The following C3orf49 variants were observed in gnomAD, a reference collection of about 807,000 sequenced individuals.
The protein encoded by C3orf49 is putative uncharacterized protein C3orf49.
A neutral mutation model predicts 13.3 loss-of-function variants in C3orf49; 27 were observed. The observed-to-expected ratio is 2.02, with a 90% CI of 1.49 to 2.79. The LOEUF is 2.79. Ranked by LOEUF, C3orf49 falls within the 30% of genes most tolerant of loss-of-function variation. C3orf49 has a pLI of 0.00. For synonymous variants in C3orf49, 87 were observed against 47.6 expected, an observed-to-expected ratio of 1.83 and a Z score of -3.40; for missense variants, 242 against 134.2, an observed-to-expected ratio of 1.80 and a Z score of -3.97.
chr3:63,828,595 T>C (rs1384653397), intron 3 of C3orf49, among the ~76,000 whole-genome samples: 3 of 152,178 alleles, frequency 2.0e-5, no homozygotes, highest in African/African-American at 7.2e-5. Flanking sequence ...CCACCGTTAC[T>C]GGCCATGTAT....
the C3orf49 span, among the ~76,000 whole-genome samples, chr3:63,802,075 C>G: frequency 2.6e-5 from 4 of 152,204 alleles, no homozygotes; most frequent in Non-Finnish European, 5.9e-5. Context: ...GAAAGGGTAA[C>G]TTGGGTTCAT....
At chr3:63,809,470 G>A in the C3orf49 span, among the ~76,000 whole-genome samples, 1 of 152,188 alleles carries the variant, frequency 6.6e-6, no homozygotes, top group East Asian at 1.9e-4. Context: ...TTACGTGAGT[G>A]AGCTGCCCAT....
intron 5 of C3orf49, among the ~76,000 whole-genome samples, chr3:63,843,975 T>TG (rs1470610250): frequency 6.6e-6 from 1 of 151,930 alleles, no homozygotes; most frequent in African/African-American, 2.4e-5. Context: ...CAAATATGTG[T>TG]TACACATACA....
At chr3:63,821,215 T>C (rs1701389815) in intron 1 of C3orf49, among the ~76,000 whole-genome samples, 1 of 152,156 alleles carries the variant, frequency 6.6e-6, no homozygotes, top group Non-Finnish European at 1.5e-5. Context: ...AACTCCAGTG[T>C]CTAGGCTGTC....
rs1381712364 is a variant in C3orf49, at chr3:63,845,020, CAG to C, written c.850-1_850del. 2 of 697,002 alleles carry C rather than the reference CAG, an allele frequency of 2.9e-6. No homozygotes were observed. The highest frequency in any genetic ancestry group is 5.4e-5 in the East Asian group (2 of 37,184). The allele number at this position is 697,002 out of a possible 1,614,324, so 43.2% of individuals were successfully genotyped here. ...CATTTGTTGTAATTTTGTCTCTTGA[CAG>C]ATGACCACAAAAGGACCTGGAGACA... On this transcript the variant is annotated splice_acceptor_variant, in intron 5 of 6. Coordinates refer to ENST00000295896, the MANE Select transcript of C3orf49 (RefSeq NM_001355236.2). LOFTEE classifies it high-confidence loss of function.
intron 5 of C3orf49, among the ~76,000 whole-genome samples, chr3:63,837,177 A>C (rs1479558319): frequency 1.3e-5 from 2 of 152,142 alleles, no homozygotes; most frequent in Non-Finnish European, 2.9e-5. Flanking sequence ...AATTTTTTGA[A>C]TTACAAAATA....
chr3:63,841,509 T>C (rs1353914860), intron 5 of C3orf49, among the ~76,000 whole-genome samples: 1 of 152,200 alleles, frequency 6.6e-6, no homozygotes, highest in Non-Finnish European at 1.5e-5. Flanking sequence ...GGCAGAAGTA[T>C]TTTTGAGCGC....
At chr3:63,789,797 C>A in the C3orf49 span, among the ~76,000 whole-genome samples, 1 of 105,352 alleles carries the variant, frequency 9.5e-6, no homozygotes, top group Non-Finnish European at 1.7e-5. Context: ...GGCGACAGAG[C>A]AAGACTCTGT....
upstream of C3orf49, among the ~76,000 whole-genome samples, chr3:63,816,475 C>G (rs1701325351): frequency 6.6e-6 from 1 of 151,810 alleles, no homozygotes; most frequent in African/African-American, 2.4e-5. Flanking sequence ...GCCTGTAACC[C>G]CAGCTACTCA....
the C3orf49 span, chr3:63,787,030 C>G: frequency 2.0e-5 from 3 of 152,130 alleles, no homozygotes; most frequent in South Asian, 4.1e-4. Flanking sequence ...TGTGTAGACA[C>G]AGAGATCATT....
At chr3:63,836,425 G>A in intron 5 of C3orf49, 2 of 1,458,406 alleles carry the variant, frequency 1.4e-6, no homozygotes, top group Non-Finnish European at 1.9e-6. Flanking sequence ...AACAAAATGT[G>A]TAATATCACA....
At chr3:63,836,358 T>C in intron 5 of C3orf49, 2 of 1,611,990 alleles carry the variant, frequency 1.2e-6, no homozygotes, top group Non-Finnish European at 1.7e-6. Flanking sequence ...AGCATCATAT[T>C]CTGTAAGACA....
chr3:63,846,666 C>A (rs1169080330), intron 6 of C3orf49, among the ~76,000 whole-genome samples: 3 of 152,110 alleles, frequency 2.0e-5, no homozygotes, highest in African/African-American at 7.2e-5. Context: ...CCACCTCGGC[C>A]TCCTAAAGTG....
rs1213886995 is a variant in C3orf49, at chr3:63,832,641, G to A, written c.849+797G>A. On this transcript the variant is annotated intron_variant, in intron 5 of 6. Coordinates refer to ENST00000295896, the MANE Select transcript of C3orf49 (RefSeq NM_001355236.2). ...CAAGCCACTGCACTCCAGCCTGGAT[G>A]ACAGGGCAAGACCCTGTCTCAGAAA... is the stretch of plus-strand genomic sequence containing the variant. Among the ~76,000 whole-genome samples the A allele has an allele frequency of 5.3e-5, 8 of 152,180 alleles. No homozygotes were observed. The East Asian group carries it at 1.4e-3, about 26-fold the overall frequency.
At chr3:63,780,437 G>T in the C3orf49 span, among the ~76,000 whole-genome samples, 5 of 152,108 alleles carry the variant, frequency 3.3e-5, no homozygotes, top group Non-Finnish European at 5.9e-5. Flanking sequence ...GAATGGTGCC[G>T]CAATAAACAT....
At chr3:63,834,115 G>A (rs772397913) in intron 5 of C3orf49, 1 of 1,613,344 alleles carries the variant, frequency 6.2e-7, no homozygotes, top group South Asian at 1.1e-5. Context: ...CCTGGGAGTG[G>A]TGGGCAATTA....
the C3orf49 span, among the ~76,000 whole-genome samples, chr3:63,798,559 TTAC>T: frequency 6.6e-6 from 1 of 152,068 alleles, no homozygotes; most frequent in African/African-American, 2.4e-5. Flanking sequence ...TAATATTATT[TTAC>T]TATCATCATC....
chr3:63,796,805 T>C, the C3orf49 span, among the ~76,000 whole-genome samples: 1 of 152,116 alleles, frequency 6.6e-6, no homozygotes, highest in Non-Finnish European at 1.5e-5. Flanking sequence ...GAAATACATA[T>C]ACTTTACCTT....
At chr3:63,818,034 C>G (rs531232203), upstream of C3orf49, among the ~76,000 whole-genome samples, 1 of 152,092 alleles carries the variant, frequency 6.6e-6, no homozygotes, top group African/African-American at 2.4e-5. Context: ...GAAAAACAGA[C>G]CAGGGAGGAG....
Sources: allele counts gnomAD v4.1 joint callset (sites outside exome capture counted in the v4.1 genomes callset), GRCh38; gene constraint gnomAD v4.1.1; transcripts MANE v1.5; gene names NCBI Gene and HGNC (gene_info 2026-07-23, HGNC 2026-07-21).